ZNF618: variants seen among roughly 807,000 people sequenced by gnomAD.
The protein encoded by ZNF618 is neural precursor cell expressed, developmentally down-regulated 10.
In ZNF618, 34 loss-of-function variants were observed where a neutral mutation model predicts 103.0. That is an observed-to-expected ratio of 0.33 (90% CI 0.25 to 0.44). ZNF618 has a LOEUF of 0.44. Ranked by LOEUF, ZNF618 falls within the 20% of genes least tolerant of loss-of-function variation. The pLI, the probability that ZNF618 is intolerant of heterozygous loss-of-function variation, is 1.00. For missense variants in ZNF618, 1,059 were observed against 1,295.4 expected (o/e 0.82, Z 2.80); for synonymous variants, 551 against 542.2 (o/e 1.02, Z -0.23).
At chr9:113,951,425 G>GTGTATATATATATACACACATATA (rs71367742) in intron 1 of ZNF618, among the ~76,000 whole-genome samples, 1 of 37,540 alleles carries the variant, frequency 2.7e-5, no homozygotes, top group African/African-American at 1.0e-4. Flanking sequence ...ACATATATGT[G>GTGTATATATATATACACACATATA]TGTGTGTATA....
intron 1 of ZNF618, among the ~76,000 whole-genome samples, chr9:113,940,539 T>C (rs1002941985): frequency 1.3e-5 from 2 of 151,160 alleles, no homozygotes; most frequent in African/African-American, 4.8e-5. Flanking sequence ...AGTTCATGAC[T>C]ATATATCTTT....
chr9:113,961,288 A>G (rs890244268), intron 1 of ZNF618, among the ~76,000 whole-genome samples: 1 of 152,186 alleles, frequency 6.6e-6, no homozygotes, highest in African/African-American at 2.4e-5. Context: ...TAAGTCATCA[A>G]TGCCTGTCCC....
chr9:113,991,097 G>A lies in ZNF618; in HGVS notation c.337+2517G>A, dbSNP rs1197448139. 2.3e-4 allele frequency among the ~76,000 whole-genome samples: 35 copies of A among 152,212 alleles called. 1 individual carries two copies. Among genetic ancestry groups the A allele is most frequent in the Admixed American group, 2.2e-3 (34 of 15,286 alleles). On this transcript the variant is annotated intron_variant, in intron 3 of 14. Transcript: ENST00000374126. ...GAGCCAGCAGTCTGGATTCAGTGGG[G>A]AAAGCTCTGGGCAGCTAGGCCAGGG... is the stretch of plus-strand genomic sequence containing the variant.
chr9:113,952,466 G>T (rs933847245), intron 1 of ZNF618, among the ~76,000 whole-genome samples: 5 of 152,156 alleles, frequency 3.3e-5, no homozygotes, highest in African/African-American at 1.2e-4. Context: ...GACTAACTCT[G>T]ACTGTGACTC....
At chr9:113,888,621 A>G (rs990979923) in intron 1 of ZNF618, among the ~76,000 whole-genome samples, 2 of 152,242 alleles carry the variant, frequency 1.3e-5, no homozygotes, top group Non-Finnish European at 2.9e-5. Context: ...CTGATGGGAC[A>G]GTAACAGGCC....
chr9:113,974,444 A>C (rs1274509085), intron 2 of ZNF618, among the ~76,000 whole-genome samples: 2 of 152,168 alleles, frequency 1.3e-5, no homozygotes, highest in Non-Finnish European at 2.9e-5. Context: ...GCCACTGGGG[A>C]GTTTGAACAG....
chr9:114,021,308 A>G (rs891316807), intron 10 of ZNF618, among the ~76,000 whole-genome samples: 3 of 152,098 alleles, frequency 2.0e-5, no homozygotes, highest in Non-Finnish European at 4.4e-5. Context: ...TAACCCCACA[A>G]TCAAGTTCTT....
intron 1 of ZNF618, among the ~76,000 whole-genome samples, chr9:113,913,326 G>GAA (rs1831736326): frequency 6.6e-6 from 1 of 152,252 alleles, no homozygotes; most frequent in Non-Finnish European, 1.5e-5. Flanking sequence ...CAGGATTGCT[G>GAA]TCCCTCAAAG....
chr9:114,019,605 C>G (rs1330933310), intron 10 of ZNF618, among the ~76,000 whole-genome samples: 1 of 152,210 alleles, frequency 6.6e-6, no homozygotes, highest in Non-Finnish European at 1.5e-5. Context: ...CGTTGAACAT[C>G]TTTATATTTA....
At chr9:113,909,523 G>A (rs1294494424) in intron 1 of ZNF618, among the ~76,000 whole-genome samples, 3 of 152,140 alleles carry the variant, frequency 2.0e-5, no homozygotes, top group Non-Finnish European at 4.4e-5. Context: ...CAGAAACCTT[G>A]GGGTGTCATG....
At chr9:113,899,149 G>C (rs745591733) in intron 1 of ZNF618, among the ~76,000 whole-genome samples, 2 of 135,018 alleles carry the variant, frequency 1.5e-5, no homozygotes, top group Non-Finnish European at 3.2e-5. Flanking sequence ...TTTTTTTTTT[G>C]TAAAGTACAC....
chr9:113,891,628 A>G (rs147144406), intron 1 of ZNF618, among the ~76,000 whole-genome samples: 2 of 152,364 alleles, frequency 1.3e-5, no homozygotes, highest in East Asian at 3.9e-4. Flanking sequence ...TAAAAATTCA[A>G]AGCAAGGTCT....
intron 10 of ZNF618, among the ~76,000 whole-genome samples, chr9:114,026,275 G>C (rs1357591949): frequency 6.6e-6 from 1 of 152,248 alleles, no homozygotes; most frequent in East Asian, 1.9e-4. Context: ...CTGTGAGGAA[G>C]CTGGAGAGGG....
At chr9:114,008,680 A>G (rs373490309) in intron 9 of ZNF618, 126 bp downstream of exon 9, 8 of 1,106,510 alleles carry the variant, frequency 7.2e-6, no homozygotes, top group African/African-American at 4.6e-5. Flanking sequence ...ATGGTGCCCA[A>G]CCTGTCAGTT....
chr9:114,044,418 G>A (rs751962364), intron 13 of ZNF618, among the ~76,000 whole-genome samples: 100 of 152,268 alleles, frequency 6.6e-4, no homozygotes, highest in Non-Finnish European at 1.1e-3. Flanking sequence ...TTTTATGCCA[G>A]TACTATGCTA....
At chr9:113,934,501 G>A (rs959860010) in intron 1 of ZNF618, among the ~76,000 whole-genome samples, 5 of 152,146 alleles carry the variant, frequency 3.3e-5, no homozygotes, top group Non-Finnish European at 7.3e-5. Flanking sequence ...GCCCGTGTTC[G>A]GTTTATGGAA....
Position 114,016,425 on chromosome 9 carries a change from A to G in ZNF618, c.755-270A>G, listed in dbSNP as rs147143399. On this transcript the variant is annotated intron_variant, in intron 9 of 14. Coordinates refer to ENST00000374126, the MANE Select transcript of ZNF618 (RefSeq NM_001318042.2). ...CACTTGCCATCTAAATTTAATCCTC[A>G]CAGCAATCCTACAAGGTGGTCCTAT... 1.6e-3 allele frequency among the ~76,000 whole-genome samples: 239 copies of G among 152,222 alleles called. 2 individuals are homozygous for G. Among genetic ancestry groups the G allele is most frequent in the African/African-American group, 5.6e-3 (233 of 41,542 alleles).
intron 13 of ZNF618, among the ~76,000 whole-genome samples, chr9:114,037,082 T>C (rs898715379): frequency 2.6e-5 from 4 of 152,196 alleles, no homozygotes; most frequent in Non-Finnish European, 4.4e-5. Flanking sequence ...AGCCTTTTTA[T>C]TACATTTCAC....
At chr9:113,944,236 G>A (rs1226968252) in intron 1 of ZNF618, among the ~76,000 whole-genome samples, 3 of 152,110 alleles carry the variant, frequency 2.0e-5, no homozygotes, top group Non-Finnish European at 2.9e-5. Flanking sequence ...ATGAATGCTC[G>A]TCTTCCCCCT....
Sources: allele counts gnomAD v4.1 joint callset (sites outside exome capture counted in the v4.1 genomes callset), GRCh38; gene constraint gnomAD v4.1.1; transcripts MANE v1.5; gene names NCBI Gene and HGNC (gene_info 2026-07-23, HGNC 2026-07-21).